LRRC7: variants seen among roughly 807,000 people sequenced by gnomAD.
LRRC7 encodes leucine-rich repeat-containing protein 7.
A neutral mutation model predicts 175.7 loss-of-function variants in LRRC7; 23 were observed. The observed-to-expected ratio is 0.13, with a 90% CI of 0.09 to 0.19. The LOEUF (loss-of-function observed/expected upper bound fraction) is 0.19. LRRC7 is among the 10% of genes least tolerant of loss of function. LRRC7 has a pLI of 1.00. For missense variants in LRRC7, 1,354 were observed against 1,904.7 expected (o/e 0.71, Z 5.38); for synonymous variants, 685 against 680.9 (o/e 1.01, Z -0.09).
chr1:69,873,640 A>G, intron 7 of LRRC7: 1 of 395,658 alleles, frequency 2.5e-6, no homozygotes, highest in Admixed American at 2.9e-5. Context: ...TATGAAACCA[A>G]ACATTTTTGG....
chr1:69,669,467 T>C (rs192813132), intron 1 of LRRC7, among the ~76,000 whole-genome samples: 1 of 152,328 alleles, frequency 6.6e-6, no homozygotes, highest in Admixed American at 6.5e-5. Flanking sequence ...GTGTGTTACT[T>C]GTTTTTTTGC....
rs184079902 is a variant in LRRC7, at chr1:69,809,623, C to T, written c.422-16125C>T. 1.7e-3 allele frequency among the ~76,000 whole-genome samples: 261 copies of T among 152,228 alleles called. 1 individual carries two copies. In the South Asian group the frequency reaches 0.026, roughly 15 times the overall value. ...TGAGATGCAAGGCTGGTTCAACACACGCAAATCAGCAAATGTAATCCATCG... is the reference window on the plus strand; with the variant it reads ...TGAGATGCAAGGCTGGTTCAACACATGCAAATCAGCAAATGTAATCCATCG... On this transcript the variant is annotated intron_variant, in intron 4 of 26. Coordinates refer to ENST00000651989, the MANE Select transcript of LRRC7 (RefSeq NM_001370785.2).
intron 22 of LRRC7, among the ~76,000 whole-genome samples, chr1:70,049,913 G>A (rs1221379585): frequency 6.6e-6 from 1 of 151,910 alleles, no homozygotes; most frequent in Non-Finnish European, 1.5e-5. Flanking sequence ...CAATTATTTA[G>A]CAAAAGAGAT....
chr1:69,718,773 C>G (rs1362384982), intron 2 of LRRC7, among the ~76,000 whole-genome samples: 1 of 151,554 alleles, frequency 6.6e-6, no homozygotes, highest in Non-Finnish European at 1.5e-5. Context: ...TTAAAAGAAA[C>G]CAAAGAAGCC....
At chr1:69,947,637 A>ATATATAAATATTATATTTAT (rs1649476912) in intron 8 of LRRC7, among the ~76,000 whole-genome samples, 1 of 151,984 alleles carries the variant, frequency 6.6e-6, no homozygotes, top group Non-Finnish European at 1.5e-5. Context: ...ATATTTATAT[A>ATATATAAATATTATATTTAT]CTGTTGCCTT....
chr1:70,118,954 TA>T (rs893807105), intron 26 of LRRC7, among the ~76,000 whole-genome samples: 5 of 151,216 alleles, frequency 3.3e-5, no homozygotes, highest in South Asian at 4.2e-4. Context: ...ACACCTTGTT[TA>T]AAAAAAAATA....
intron 2 of LRRC7, among the ~76,000 whole-genome samples, chr1:69,684,644 C>A (rs927967124): frequency 2.0e-5 from 3 of 152,124 alleles, no homozygotes; most frequent in African/African-American, 4.8e-5. Context: ...AGAAAGACAT[C>A]ATGGTATGCT....
chr1:69,986,175 T>A (rs1350284771), intron 9 of LRRC7, 67 bp from the exon 10 acceptor site: 1 of 1,468,054 alleles, frequency 6.8e-7, no homozygotes, highest in Non-Finnish European at 9.3e-7. Flanking sequence ...GTGTAGTGGT[T>A]CTTACAACTT....
intron 2 of LRRC7, among the ~76,000 whole-genome samples, chr1:69,743,390 C>T (rs1459554515): frequency 6.6e-6 from 1 of 151,944 alleles, no homozygotes; most frequent in Non-Finnish European, 1.5e-5. Flanking sequence ...TTATTCCTAG[C>T]AGAGAAAAAC....
intron 1 of LRRC7, among the ~76,000 whole-genome samples, chr1:69,676,038 C>T (rs922114052): frequency 1.3e-5 from 2 of 149,718 alleles, no homozygotes; most frequent in Non-Finnish European, 3.0e-5. Flanking sequence ...CACACACACA[C>T]ACAAGCACAT....
At chr1:69,826,079 C>G (rs1187704005) in intron 5 of LRRC7, among the ~76,000 whole-genome samples, 1 of 152,066 alleles carries the variant, frequency 6.6e-6, no homozygotes, top group African/African-American at 2.4e-5. Context: ...TTCCACAGCT[C>G]TCAGGTAACA....
chr1:70,054,885 C>T (rs546160440), intron 23 of LRRC7, among the ~76,000 whole-genome samples: 11 of 151,578 alleles, frequency 7.3e-5, no homozygotes, highest in South Asian at 2.1e-4. Context: ...CCACCGCTCC[C>T]GGCCTACACT....
At chr1:69,922,200 A>G (rs1646911738) in intron 7 of LRRC7, among the ~76,000 whole-genome samples, 1 of 152,312 alleles carries the variant, frequency 6.6e-6, no homozygotes, top group African/African-American at 2.4e-5. Flanking sequence ...TGCTGGGATT[A>G]CAGGCATGAG....
intron 23 of LRRC7, among the ~76,000 whole-genome samples, chr1:70,073,160 A>G (rs536954877): frequency 4.6e-5 from 7 of 152,310 alleles, no homozygotes; most frequent in Admixed American, 3.9e-4. Context: ...TAATATGTAT[A>G]TGGTGTTTTT....
chr1:69,579,896 A>T (rs12142940), intron 1 of LRRC7, among the ~76,000 whole-genome samples: 15,253 of 151,406 alleles, frequency 0.1, 863 homozygotes, highest in African/African-American at 0.12. Context: ...CGCCTCCCAA[A>T]GTGTTGGGCT....
At chr1:69,946,579 C>G (rs1423573482) in intron 8 of LRRC7, among the ~76,000 whole-genome samples, 1 of 151,804 alleles carries the variant, frequency 6.6e-6, no homozygotes, top group Non-Finnish European at 1.5e-5. Flanking sequence ...TTTAGATATT[C>G]TGATATCGGG....
At chr1:70,097,879 G>A (rs1042161464) in intron 25 of LRRC7, among the ~76,000 whole-genome samples, 14 of 147,808 alleles carry the variant, frequency 9.5e-5, no homozygotes, top group African/African-American at 3.5e-4. Context: ...CATTTGGGTT[G>A]GTTCCAAGTC....
At chr1:70,090,697 A>G (rs1663967290) in intron 25 of LRRC7, among the ~76,000 whole-genome samples, 1 of 152,142 alleles carries the variant, frequency 6.6e-6, no homozygotes, top group Non-Finnish European at 1.5e-5. Flanking sequence ...AAAAAATTAA[A>G]TATGAATAAA....
chr1:69,794,219 A>C (rs1248299833), intron 4 of LRRC7, among the ~76,000 whole-genome samples: 4 of 152,160 alleles, frequency 2.6e-5, no homozygotes, highest in Non-Finnish European at 5.9e-5. Context: ...CACCAACTTG[A>C]CTTGCCACTT....
Sources: allele counts gnomAD v4.1 joint callset (sites outside exome capture counted in the v4.1 genomes callset), GRCh38; gene constraint gnomAD v4.1.1; transcripts MANE v1.5; gene names NCBI Gene and HGNC (gene_info 2026-07-23, HGNC 2026-07-21).